BMAL1: variants seen among roughly 807,000 people sequenced by gnomAD.
The protein encoded by BMAL1 is basic helix-loop-helix ARNT-like protein 1.
chr11:13,342,956 A>G, the BMAL1 span, among the ~76,000 whole-genome samples: 1 of 152,152 alleles, frequency 6.6e-6, no homozygotes, highest in Non-Finnish European at 1.5e-5. Context: ...GGCTGTTGTG[A>G]TGGTTAATGG....
At chr11:13,357,586 T>C in the BMAL1 span, among the ~76,000 whole-genome samples, 32 of 152,272 alleles carry the variant, frequency 2.1e-4, no homozygotes, top group African/African-American at 6.3e-4. This position sits in a 1 kb window ranked among gnomAD's most constrained non-coding sequence, Gnocchi z 4.8. Flanking sequence ...CTCTTCCCAT[T>C]GCGTCCTCAG....
the BMAL1 span, chr11:13,372,073 T>C: frequency 2.0e-6 from 3 of 1,524,954 alleles, no homozygotes; most frequent in Non-Finnish European, 2.6e-6. Context: ...ATTTTTTGAC[T>C]CCCTACCTAC....
At chr11:13,284,214 A>ATATATATATATGTG in the BMAL1 span, among the ~76,000 whole-genome samples, 2 of 23,236 alleles carry the variant, frequency 8.6e-5, 1 homozygote, top group East Asian at 1.6e-3. Context: ...ATATATGTGT[A>ATATATATATATGTG]TATATATATA....
chr11:13,303,819 A>G, the BMAL1 span, among the ~76,000 whole-genome samples: 3 of 152,174 alleles, frequency 2.0e-5, no homozygotes, highest in Non-Finnish European at 2.9e-5. Flanking sequence ...CCTGACTGCA[A>G]GGGAGGCTGG....
At chr11:13,280,500 T>A in the BMAL1 span, among the ~76,000 whole-genome samples, 1 of 152,248 alleles carries the variant, frequency 6.6e-6, no homozygotes, top group Non-Finnish European at 1.5e-5. Context: ...GATTTCATCA[T>A]CAACTCTCAC....
chr11:13,354,190 TC>T, the BMAL1 span: 7,384 of 486,954 alleles, frequency 0.015, 78 homozygotes, highest in African/African-American at 0.034. Flanking sequence ...GCCCCGGGTC[TC>T]CCCCCCCGGC....
the BMAL1 span, among the ~76,000 whole-genome samples, chr11:13,290,303 A>G: frequency 1.3e-5 from 2 of 152,198 alleles, no homozygotes; most frequent in Admixed American, 1.3e-4. Flanking sequence ...ATGTGAATCT[A>G]TTATCTGTAG....
At chr11:13,366,882 C>T in the BMAL1 span, 4 of 770,048 alleles carry the variant, frequency 5.2e-6, no homozygotes, top group Non-Finnish European at 8.4e-6. Context: ...CTCAGCCTTT[C>T]CAGTCCTACT....
chr11:13,386,986 G>T, the BMAL1 span: 1 of 418,082 alleles, frequency 2.4e-6, no homozygotes, highest in South Asian at 6.6e-5. Context: ...GCTAGCTGTG[G>T]ATAGCTTGCA....
the BMAL1 span, among the ~76,000 whole-genome samples, chr11:13,314,276 G>GACACACACAC: frequency 2.7e-5 from 3 of 109,744 alleles, no homozygotes; most frequent in African/African-American, 1.0e-4. Context: ...CACACACTCT[G>GACACACACAC]TCTCTCTCTC....
At chr11:13,371,872 C>G in the BMAL1 span, among the ~76,000 whole-genome samples, 1 of 152,180 alleles carries the variant, frequency 6.6e-6, no homozygotes, top group South Asian at 2.1e-4. Context: ...ACCTCCTCTA[C>G]TGGTTTTTTG....
At chr11:13,298,005 T>C in the BMAL1 span, among the ~76,000 whole-genome samples, 5 of 152,160 alleles carry the variant, frequency 3.3e-5, no homozygotes, top group Admixed American at 6.5e-5. Context: ...CCACAGTAGC[T>C]TCCTGTCCCA....
the BMAL1 span, among the ~76,000 whole-genome samples, chr11:13,309,101 A>G: frequency 2.0e-5 from 3 of 152,196 alleles, no homozygotes; most frequent in Admixed American, 6.5e-5. Flanking sequence ...TTTTCTCACA[A>G]TTAAAAATGG....
the BMAL1 span, among the ~76,000 whole-genome samples, chr11:13,348,783 A>G: frequency 1.3e-5 from 2 of 152,234 alleles, no homozygotes; most frequent in Non-Finnish European, 2.9e-5. Context: ...TTCCTGAATC[A>G]GACTGCAATG....
the BMAL1 span, among the ~76,000 whole-genome samples, chr11:13,306,379 A>G: frequency 2.0e-5 from 3 of 152,224 alleles, no homozygotes; most frequent in Non-Finnish European, 2.9e-5. Flanking sequence ...AGGAAGTTCC[A>G]TGAGGACAGT....
At chr11:13,307,476 G>A in the BMAL1 span, among the ~76,000 whole-genome samples, 66 of 152,332 alleles carry the variant, frequency 4.3e-4, no homozygotes, top group East Asian at 0.013. Flanking sequence ...TAGAGTCCTA[G>A]AGATGTTAGA....
the BMAL1 span, among the ~76,000 whole-genome samples, chr11:13,332,293 C>G: frequency 6.6e-6 from 1 of 152,150 alleles, no homozygotes; most frequent in Non-Finnish European, 1.5e-5. Context: ...AAACATGGTG[C>G]CAGGTGTTGT....
the BMAL1 span, among the ~76,000 whole-genome samples, chr11:13,339,480 C>T: frequency 2.0e-5 from 3 of 147,680 alleles, no homozygotes; most frequent in African/African-American, 7.7e-5. Flanking sequence ...ACCACTGCAG[C>T]CAGACTTAAA....
chr11:13,284,721 A>G, the BMAL1 span, among the ~76,000 whole-genome samples: 1 of 151,914 alleles, frequency 6.6e-6, no homozygotes, highest in African/African-American at 2.4e-5. Context: ...TACTTAGACC[A>G]CCCAGGTCAT....
Sources: allele counts gnomAD v4.1 joint callset (sites outside exome capture counted in the v4.1 genomes callset), GRCh38; gene constraint gnomAD v4.1.1; non-coding constraint Gnocchi (gnomAD v3.1); transcripts MANE v1.5; gene names NCBI Gene and HGNC (gene_info 2026-07-23, HGNC 2026-07-21).